Variants in CACNA1G observed in about 807,000 individuals in gnomAD.
CACNA1G encodes voltage-dependent T-type calcium channel subunit alpha-1G.
A neutral mutation model predicts 219.4 loss-of-function variants in CACNA1G; 67 were observed. The observed-to-expected ratio is 0.31, with a 90% CI of 0.25 to 0.37. CACNA1G has a LOEUF of 0.37. Ranked by LOEUF, CACNA1G falls within the 10% of genes least tolerant of loss-of-function variation. CACNA1G has a pLI of 1.00. For synonymous variants in CACNA1G, 1,296 were observed against 1,345.3 expected (o/e 0.96, Z 0.80); for missense variants, 2,380 against 3,231.4 (o/e 0.74, Z 6.39).
Position 50,599,640 on chromosome 17 carries a change from C to T in CACNA1G, c.3471C>T (p.Asp1157=). The change falls in exon 17 of 38, where the codon GAC becomes GAT. Residue 1157 remains aspartate (D), a synonymous_variant. Transcript: ENST00000359106. ...AGCGGGCCAGCCCTGCGGGCAGTGACCATCGCCACAGGGGGTCCCTGGAGC... is the reference window on the plus strand; with the variant it reads ...AGCGGGCCAGCCCTGCGGGCAGTGATCATCGCCACAGGGGGTCCCTGGAGC... ...EEERASPAGS[D]HRHRGSLERE... is the part of the protein sequence containing the mutation. 6.2e-7 allele frequency: 1 copy of T among 1,612,962 alleles called. No homozygotes were observed. The highest frequency in any genetic ancestry group is 8.5e-7 in the Non-Finnish European group (1 of 1,179,494).
chr17:50,605,188 T>C (rs1453109719), intron 22 of CACNA1G, among the ~76,000 whole-genome samples: 1 of 152,112 alleles, frequency 6.6e-6, no homozygotes, highest in Non-Finnish European at 1.5e-5. Context: ...TTCCGGTGGA[T>C]TTAGGTCTGT....
chr17:50,622,194 CCAA>C (rs1364374187), intron 35 of CACNA1G, among the ~76,000 whole-genome samples: 8 of 149,496 alleles, frequency 5.4e-5, no homozygotes, highest in African/African-American at 2.0e-4. Context: ...ACCCCACCCC[CCAA>C]CAACATGAGA....
chr17:50,626,325 G>GC lies in CACNA1G; in HGVS notation c.6713dup (p.Ser2239IlefsTer26), dbSNP rs2053795149. On this transcript the variant is annotated frameshift_variant, in exon 38 of 38. Transcript: ENST00000359106. LOFTEE classifies it high-confidence loss of function. The surrounding 1 kb of genome is among the most constrained non-coding windows in gnomAD (Gnocchi z 4.3). The stretch of plus-strand genomic sequence containing the variant: ...TCCTGCCCCCTGGCGGCCAGGAGGA[G>GC]CCCCCATCCCCACGGGACCTGAAGA... The GC allele has an allele frequency of 6.2e-7, 1 of 1,613,182 alleles. No individual in the cohort carries two copies. Among genetic ancestry groups the GC allele is most frequent in the African/African-American group, 1.3e-5 (1 of 74,926 alleles).
In CACNA1G at chr17:50,619,846, G is replaced by A. The variant is rs1169320706; in HGVS notation, c.5925+20G>A. On this transcript the variant is annotated intron_variant, in intron 34 of 37. Coordinates refer to ENST00000359106, the MANE Select transcript of CACNA1G (RefSeq NM_018896.5). ...CCACAGGTTACTGTGCCCCTGTGCT[G>A]TGCCCTCTCCCCTGACCGTGCTGGG... 3 of 1,592,008 alleles carry A rather than the reference G, an allele frequency of 1.9e-6. No homozygotes were observed. Among genetic ancestry groups the A allele is most frequent in the African/African-American group, 1.3e-5 (1 of 74,714 alleles).
intron 23 of CACNA1G, chr17:50,606,377 T>C: frequency 1.7e-6 from 1 of 581,466 alleles, no homozygotes; most frequent in Non-Finnish European, 3.0e-6. Context: ...ACCCCACCAT[T>C]GTCAGCTCAA....
chr17:50,589,912 CTG>C lies in CACNA1G; in HGVS notation c.2302-523_2302-522del, dbSNP rs58484176. On this transcript the variant is annotated intron_variant, in intron 9 of 37. Coordinates refer to ENST00000359106, the MANE Select transcript of CACNA1G (RefSeq NM_018896.5). ...TGCATTTTTCTCTCTCTCTCTCTCT[CTG>C]TGTGTGTGTGTGTGTGTGTGTGTGT... Among the ~76,000 whole-genome samples, 459 of 141,706 alleles carry C rather than the reference CTG, an allele frequency of 3.2e-3. 3 individuals are homozygous for C. The highest frequency in any genetic ancestry group is 5.7e-3 in the African/African-American group (201 of 35,242). 93.0% of individuals were successfully genotyped at this position (141,706 alleles called of 152,430 possible).
At chr17:50,598,434 C>A (rs1394608280) in intron 16 of CACNA1G, among the ~76,000 whole-genome samples, 1 of 152,210 alleles carries the variant, frequency 6.6e-6, no homozygotes, top group African/African-American at 2.4e-5. Context: ...GTATCTCGTC[C>A]ACATACTGAT....
At chr17:50,574,638 C>T (rs1030041317) in intron 7 of CACNA1G, among the ~76,000 whole-genome samples, 1 of 152,156 alleles carries the variant, frequency 6.6e-6, no homozygotes, top group East Asian at 1.9e-4. Flanking sequence ...GATAAGGGGC[C>T]TAGTTTCCAC....
Position 50,575,829 on chromosome 17 carries a change from C to T in CACNA1G, c.1427C>T (p.Thr476Ile). The T allele has an allele frequency of 3.9e-6, 6 of 1,550,536 alleles. No homozygotes were observed. Among genetic ancestry groups the T allele is most frequent in the Non-Finnish European group, 5.2e-6 (6 of 1,147,334 alleles). ...CCAGCACCCCTCGGGGGCCAGGAGACCCAGCCCAGCAGCAGCTGCTCTCGC... is the reference window on the plus strand; with the variant it reads ...CCAGCACCCCTCGGGGGCCAGGAGATCCAGCCCAGCAGCAGCTGCTCTCGC... ...SSPAPLGGQE[T>I]QPSSSCSRSH... Residue 476 changes from threonine to isoleucine, a missense_variant, in exon 8 of 38, where the codon ACC becomes ATC. Around this residue, in one of 17 missense-constraint regions of CACNA1G, gnomAD observed 434 missense variants for 417.3 expected, o/e 1.04. Coordinates refer to ENST00000359106, the MANE Select transcript of CACNA1G (RefSeq NM_018896.5).
intron 1 of CACNA1G, 92 bp from the exon 2 acceptor site, chr17:50,568,778 C>A: frequency 1.1e-6 from 1 of 950,852 alleles, no homozygotes; most frequent in Non-Finnish European, 1.7e-6. Flanking sequence ...TCAGATGGAG[C>A]CAGGAGGTAA....
chr17:50,569,901 C>T (rs879017721), intron 4 of CACNA1G, 98 bp downstream of exon 4: 1 of 876,306 alleles, frequency 1.1e-6, no homozygotes, highest in Non-Finnish European at 1.8e-6. Context: ...CACCTGACCC[C>T]TCACAGGCCC....
In CACNA1G at chr17:50,627,390, A is replaced by G; in HGVS notation, c.*639A>G. The G allele has an allele frequency of 2.6e-6, 1 of 383,050 alleles. No individual in the cohort carries two copies. Among genetic ancestry groups the G allele is most frequent in the South Asian group, 2.0e-5 (1 of 50,336 alleles). 23.7% of individuals were successfully genotyped at this position (383,050 alleles called of 1,614,324 possible). A position where few individuals can be genotyped will look rare whatever the true frequency, so the allele number is the denominator to read the frequency against. ...GAAAAAATGAGATTTTACAAGTGAA[A>G]TGGAACCTTTTTATATATACATACA... On this transcript the variant is annotated 3_prime_UTR_variant, in exon 38 of 38. Transcript: ENST00000359106.
At position 50,600,434 on chromosome 17, in the gene CACNA1G, G is replaced by C. The variant is rs1338582669; in HGVS notation, c.3691-292G>C. ...CAGCTCAGCAGGGAGGACAGGCAGG[G>C]GGCTGGGCTGGAGGCAGGGGTGGGG... On this transcript the variant is annotated intron_variant, in intron 17 of 37. Transcript: ENST00000359106. This position sits in a 1 kb window ranked among gnomAD's most constrained non-coding sequence, Gnocchi z 4.1. 1.3e-5 allele frequency among the ~76,000 whole-genome samples: 2 copies of C among 152,086 alleles called. No homozygotes were observed. The highest frequency in any genetic ancestry group is 2.9e-5 in the Non-Finnish European group (2 of 67,998).
rs1296686685 is a variant in CACNA1G, at chr17:50,561,083, GC to G, written c.-371del. 6.9e-6 allele frequency: 3 copies of G among 436,200 alleles called. No individual in the cohort carries two copies. Among genetic ancestry groups the G allele is most frequent in the Admixed American group, 2.7e-5 (1 of 37,728 alleles). 27.0% of individuals were successfully genotyped at this position (436,200 alleles called of 1,614,324 possible). A position where few individuals can be genotyped will look rare whatever the true frequency, so the allele number is the denominator to read the frequency against. ...CCCCGGACCCCCGCCCTCCGCCGCT[GC>G]CCCCCTTTTCGTTCGCCCTCTCGGG... On this transcript the variant is annotated 5_prime_UTR_variant, in exon 1 of 38. Transcript: ENST00000359106.
In CACNA1G at chr17:50,600,943, G is replaced by A. The variant is rs1598479762; in HGVS notation, c.3792-108G>A. Reference sequence around the variant, plus strand: ...GGCACCCTGCCTGGGGTGTGAGCAGGGTGGCCTCAGCTGGGAGGGCACTGG... The same window carrying A: ...GGCACCCTGCCTGGGGTGTGAGCAGAGTGGCCTCAGCTGGGAGGGCACTGG... On this transcript the variant is annotated intron_variant, in intron 18 of 37. Transcript: ENST00000359106. This position sits in a 1 kb window ranked among gnomAD's most constrained non-coding sequence, Gnocchi z 4.1. 4.5e-6 allele frequency: 7 copies of A among 1,570,956 alleles called. No individual in the cohort carries two copies. In the South Asian group the frequency reaches 6.7e-5, roughly 15 times the overall value.
intron 7 of CACNA1G, 170 bp downstream of exon 7, chr17:50,573,283 G>C (rs1567980928): frequency 1.7e-6 from 1 of 603,162 alleles, no homozygotes; most frequent in African/African-American, 1.8e-5. Flanking sequence ...AGAGTCAGGA[G>C]GAAATCCAAG....
rs1179259393 is a variant in CACNA1G at position 50,561,363 on chromosome 17, T to C, written c.-97T>C. The C allele has an allele frequency of 6.8e-7, 1 of 1,480,728 alleles. No individual in the cohort carries two copies. Among genetic ancestry groups the C allele is most frequent in the Admixed American group, 2.0e-5 (1 of 50,346 alleles). 91.7% of individuals were successfully genotyped at this position (1,480,728 alleles called of 1,614,324 possible). A position where few individuals can be genotyped will look rare whatever the true frequency, so the allele number is the denominator to read the frequency against. On this transcript the variant is annotated 5_prime_UTR_variant, in exon 1 of 38. Transcript: ENST00000359106. The stretch of plus-strand genomic sequence containing the variant: ...CTTGCGCCCTAGAGCCCACCAGATG[T>C]GCCCCCGCCGGGGCCCCCGGGTTGC...
At chr17:50,566,600 T>A (rs2037941588) in intron 1 of CACNA1G, among the ~76,000 whole-genome samples, 1 of 152,230 alleles carries the variant, frequency 6.6e-6, no homozygotes, top group African/African-American at 2.4e-5. Context: ...GTCACTTCTG[T>A]ACCTTCCCCC....
intron 34 of CACNA1G, 24 bp downstream of exon 34, chr17:50,619,850 C>A: frequency 6.3e-7 from 1 of 1,588,082 alleles, no homozygotes. Flanking sequence ...TGTGCTGTGC[C>A]CTCTCCCCTG....
Sources: allele counts gnomAD v4.1 joint callset (sites outside exome capture counted in the v4.1 genomes callset), GRCh38; gene constraint gnomAD v4.1.1; regional missense constraint gnomAD v4.1.1; non-coding constraint Gnocchi (gnomAD v3.1); transcripts MANE v1.5; gene names NCBI Gene and HGNC (gene_info 2026-07-23, HGNC 2026-07-21).